The following CNTNAP4 variants were observed in gnomAD, a reference collection of about 807,000 sequenced individuals.
CNTNAP4 encodes the protein contactin associated protein family member 4.
Under a neutral mutation model 148.4 loss-of-function variants are expected in CNTNAP4, and 98 were observed. The observed-to-expected ratio is 0.66, with a 90% CI of 0.56 to 0.78. CNTNAP4 has a LOEUF of 0.78. Among genes scored for constraint, CNTNAP4 ranks in the 30% least tolerant of loss-of-function variants. The pLI, the probability that CNTNAP4 is intolerant of heterozygous loss-of-function variation, is 0.00. For synonymous variants in CNTNAP4, 730 were observed against 565.1 expected, an observed-to-expected ratio of 1.29 and a Z score of -4.14; for missense variants, 1,935 against 1,565.6, an observed-to-expected ratio of 1.24 and a Z score of -3.98.
chr16:76,346,807 A>G (rs923530216), intron 2 of CNTNAP4, among the ~76,000 whole-genome samples: 2 of 152,164 alleles, frequency 1.3e-5, no homozygotes, highest in African/African-American at 4.8e-5. Context: ...TCAAATACAC[A>G]AATCAAAATG....
chr16:76,411,105 G>T (rs968688610), intron 3 of CNTNAP4, among the ~76,000 whole-genome samples: 4 of 151,148 alleles, frequency 2.6e-5, no homozygotes, highest in African/African-American at 9.7e-5. Flanking sequence ...CCGTGATGAG[G>T]GTCATCAGTT....
At chr16:76,520,579 G>T (rs1002345657) in intron 15 of CNTNAP4, among the ~76,000 whole-genome samples, 2 of 152,100 alleles carry the variant, frequency 1.3e-5, no homozygotes, top group African/African-American at 2.4e-5. Context: ...TGTCAGCTTG[G>T]ACAGAGTAAG....
At chr16:76,437,868 A>G (rs908095069) in intron 4 of CNTNAP4, among the ~76,000 whole-genome samples, 9 of 152,150 alleles carry the variant, frequency 5.9e-5, no homozygotes, top group African/African-American at 1.9e-4. Context: ...AACAAGGGAG[A>G]AGATCAGTTT....
chr16:76,327,398 G>A (rs1052343952), intron 2 of CNTNAP4, among the ~76,000 whole-genome samples: 1 of 152,094 alleles, frequency 6.6e-6, no homozygotes, highest in African/African-American at 2.4e-5. Flanking sequence ...GTTTTTTTAT[G>A]GCTATGTAGT....
Position 76,539,810 on chromosome 16 carries a change from C to T in CNTNAP4, c.3312C>T (p.His1104=), listed in dbSNP as rs371580537. Residue 1104 remains histidine (H), a synonymous_variant, in exon 20 of 24, where the codon CAC becomes CAT. Coordinates refer to ENST00000611870, the MANE Select transcript of CNTNAP4 (RefSeq NM_033401.5). ...DFKNMADGQL[H]HIMINREEGV... is the part of the protein sequence containing the mutation. ...AAAACATGGCTGATGGACAACTTCA[C>T]CACATAATGATTAACAGAGAAGAAG... The T allele has an allele frequency of 3.1e-6, 5 of 1,601,230 alleles. No homozygotes were observed. Among genetic ancestry groups the T allele is most frequent in the African/African-American group, 1.3e-5 (1 of 74,240 alleles).
chr16:76,537,690 T>A (rs1163265549), intron 18 of CNTNAP4, among the ~76,000 whole-genome samples: 1 of 151,886 alleles, frequency 6.6e-6, no homozygotes, highest in Non-Finnish European at 1.5e-5. Flanking sequence ...AAGAAGAGAG[T>A]CTCTCAAACA....
Position 76,507,718 on chromosome 16 carries a change from A to C in CNTNAP4, c.2365+9024A>C, listed in dbSNP as rs2143968906. 2.0e-5 allele frequency among the ~76,000 whole-genome samples: 2 copies of C among 97,932 alleles called. 1 individual carries two copies. Among genetic ancestry groups the C allele is most frequent in the Admixed American group, 2.0e-4 (2 of 10,030 alleles). The allele number at this position is 97,932 out of a possible 152,430, so 64.2% of individuals were successfully genotyped here. Reference sequence around the variant, plus strand: ...TAACTGTAGTTGCAGTATGTTCAGAACCAGAAACAGAGTTTCAGAGTAGAA... The same window carrying C: ...TAACTGTAGTTGCAGTATGTTCAGACCCAGAAACAGAGTTTCAGAGTAGAA... On this transcript the variant is annotated intron_variant, in intron 15 of 23. Coordinates refer to ENST00000611870, the MANE Select transcript of CNTNAP4 (RefSeq NM_033401.5).
intron 16 of CNTNAP4, 106 bp from the exon 17 acceptor site, chr16:76,521,933 T>G (rs765794364): frequency 1.2e-5 from 12 of 1,003,578 alleles, no homozygotes; most frequent in Non-Finnish European, 1.7e-5. Context: ...TTCGTTATCT[T>G]TCTGTTCAGC....
At chr16:76,353,448 C>T (rs1477383389) in intron 2 of CNTNAP4, among the ~76,000 whole-genome samples, 3 of 152,140 alleles carry the variant, frequency 2.0e-5, no homozygotes, top group East Asian at 1.9e-4. Flanking sequence ...GTTTTGACCC[C>T]GGCCAGGACT....
intron 17 of CNTNAP4, among the ~76,000 whole-genome samples, chr16:76,526,461 G>A (rs1437106018): frequency 1.3e-5 from 2 of 152,090 alleles, no homozygotes; most frequent in Non-Finnish European, 2.9e-5. Context: ...ATGGATGGAG[G>A]AAATGGAGGG....
chr16:76,491,640 C>G (rs2082225885), intron 13 of CNTNAP4, among the ~76,000 whole-genome samples: 2 of 152,030 alleles, frequency 1.3e-5, no homozygotes, highest in Admixed American at 6.6e-5. Flanking sequence ...GAAGGGTATT[C>G]TAAGAAGAAG....
At chr16:76,290,734 A>G (rs1417428996) in intron 1 of CNTNAP4, among the ~76,000 whole-genome samples, 4 of 152,176 alleles carry the variant, frequency 2.6e-5, no homozygotes, top group Admixed American at 2.6e-4. Flanking sequence ...CTCCTTCCCG[A>G]TGTTCAGAGA....
intron 2 of CNTNAP4, among the ~76,000 whole-genome samples, chr16:76,328,798 A>G (rs1324421250): frequency 1.3e-5 from 2 of 152,080 alleles, no homozygotes; most frequent in Non-Finnish European, 2.9e-5. Context: ...GGCGCCTGCC[A>G]CCGCACCTGG....
At chr16:76,456,447 C>G (rs560004727) in intron 8 of CNTNAP4, among the ~76,000 whole-genome samples, 1 of 152,298 alleles carries the variant, frequency 6.6e-6, no homozygotes, top group South Asian at 2.1e-4. Context: ...GTTGGTCATT[C>G]ATAAGTATCA....
intron 2 of CNTNAP4, among the ~76,000 whole-genome samples, chr16:76,322,011 C>T (rs1435940771): frequency 6.6e-6 from 1 of 152,086 alleles, no homozygotes; most frequent in East Asian, 1.9e-4. Flanking sequence ...AGGTGAACTT[C>T]ACTGACTGAG....
chr16:76,391,733 A>G lies in CNTNAP4; in HGVS notation c.391-35719A>G, dbSNP rs536031567. Among the ~76,000 whole-genome samples, 8 of 152,292 alleles carry G rather than the reference A, an allele frequency of 5.3e-5. No individual in the cohort carries two copies. In the South Asian group the frequency reaches 6.2e-4, roughly 12 times the overall value. On this transcript the variant is annotated intron_variant, in intron 3 of 23. Coordinates refer to ENST00000611870, the MANE Select transcript of CNTNAP4 (RefSeq NM_033401.5). ...GTTCACATGAAGCTTGAGTAACACAATTCTATAGCTTTGCTACTCAATGTG... is the reference window on the plus strand; with the variant it reads ...GTTCACATGAAGCTTGAGTAACACAGTTCTATAGCTTTGCTACTCAATGTG...
rs1012950653 is a variant in CNTNAP4, at chr16:76,316,520, G to A, written c.193G>A (p.Asp65Asn). ...GPGFARLNRR[D>N]GAGGWSPLVS... ...TGGATTTGCAAGGCTGAATAGAAGA[G>A]ATGGTAAGTCTGCTTTTCTCCTCTG... Residue 65 changes from aspartate (D) to asparagine (N), a missense_variant, in exon 2 of 24, where the codon GAT (aspartate) becomes AAT (asparagine). Asp to Asn is a conservative substitution (Grantham distance 23, BLOSUM62 1). Transcript: ENST00000611870. The A allele has an allele frequency of 1.1e-5, 18 of 1,608,162 alleles. No individual in the cohort carries two copies. Among genetic ancestry groups the A allele is most frequent in the Middle Eastern group, 1.6e-4 (1 of 6,078 alleles).
chr16:76,490,877 G>A (rs2082194080), intron 13 of CNTNAP4, among the ~76,000 whole-genome samples: 1 of 152,128 alleles, frequency 6.6e-6, no homozygotes. Flanking sequence ...TAAGACGTCT[G>A]TACAATAACG....
intron 21 of CNTNAP4, among the ~76,000 whole-genome samples, chr16:76,548,044 G>T (rs1425365785): frequency 6.6e-6 from 1 of 152,232 alleles, no homozygotes; most frequent in Non-Finnish European, 1.5e-5. Flanking sequence ...ACCTGCCACT[G>T]TAAGATAGCT....
Sources: gnomAD v4.1 joint callset for allele counts (sites outside exome capture counted in the v4.1 genomes callset) on GRCh38, gnomAD v4.1.1 for gene constraint, MANE v1.5 for transcripts, NCBI Gene and HGNC (gene_info 2026-07-23, HGNC 2026-07-21) for gene names.